Variants in ANAPC5 observed in about 807,000 individuals in gnomAD.
The protein encoded by ANAPC5 is anaphase-promoting complex subunit 5.
In ANAPC5, 60 loss-of-function variants were observed where a neutral mutation model predicts 91.3. The observed-to-expected ratio is 0.66, with a 90% CI of 0.53 to 0.81. The LOEUF (loss-of-function observed/expected upper bound fraction) is 0.81, where lower values mean the gene tolerates loss of function less well. Among genes scored for constraint, ANAPC5 ranks in the 40% least tolerant of loss-of-function variants. The pLI, the probability that ANAPC5 is intolerant of heterozygous loss-of-function variation, is 0.00. For missense variants in ANAPC5, 690 were observed against 931.5 expected (o/e 0.74, Z 3.37); for synonymous variants, 340 against 364.1 (o/e 0.93, Z 0.75).
upstream of ANAPC5, among the ~76,000 whole-genome samples, chr12:121,354,006 C>T (rs61955065): frequency 4.2e-5 from 6 of 141,892 alleles, no homozygotes; most frequent in Admixed American, 1.4e-4. Flanking sequence ...TTTTTTTTCC[C>T]GATACGGAGT....
intron 15 of ANAPC5, 135 bp from the exon 16 acceptor site, chr12:121,309,998 C>T (rs1593569684): frequency 1.4e-6 from 1 of 726,378 alleles, no homozygotes; most frequent in Non-Finnish European, 2.1e-6. Flanking sequence ...TACGTTAAAA[C>T]AGGAACCACA....
At chr12:121,340,590 G>A (rs1903412735) in intron 5 of ANAPC5, among the ~76,000 whole-genome samples, 1 of 149,316 alleles carries the variant, frequency 6.7e-6, no homozygotes, top group Non-Finnish European at 1.5e-5. Context: ...AGGCCAGAGT[G>A]CAGTAGCGCA....
At chr12:121,333,487 C>T (rs545908153) in intron 7 of ANAPC5, 15 of 152,078 alleles carry the variant, frequency 9.9e-5, no homozygotes, top group African/African-American at 3.6e-4. Context: ...AAGAAAGGCT[C>T]TGATCGAGAG....
chr12:121,330,563 C>T lies in ANAPC5; in HGVS notation c.1122+20G>A. 2 of 1,605,166 alleles carry T rather than the reference C, an allele frequency of 1.2e-6. No individual in the cohort carries two copies. Among genetic ancestry groups the T allele is most frequent in the South Asian group, 1.1e-5 (1 of 89,882 alleles). ...GCTCGACCATTTATGGAAACAATCT[C>T]ACAGAAAGATGAGCCTTACCGGTAA... On this transcript the variant is annotated intron_variant, in intron 9 of 16. Transcript: ENST00000261819.
chr12:121,339,744 C>T (rs1040197916), intron 5 of ANAPC5, among the ~76,000 whole-genome samples: 1 of 152,172 alleles, frequency 6.6e-6, no homozygotes. Flanking sequence ...GCTGGGATTA[C>T]AGGCATGAGC....
rs1903037342 is a variant in ANAPC5, at chr12:121,331,384, T to A, written c.995A>T (p.Gln332Leu). 6.2e-7 allele frequency: 1 copy of A among 1,609,352 alleles called. No homozygotes were observed. Among genetic ancestry groups the A allele is most frequent in the South Asian group, 1.1e-5 (1 of 90,990 alleles). Residue 332 changes from glutamine to leucine, a missense_variant, in exon 8 of 17, where the codon CAG becomes CTG. By Grantham distance (113) the Gln-to-Leu change is moderately radical. Coordinates refer to ENST00000261819, the MANE Select transcript of ANAPC5 (RefSeq NM_016237.5). ...GAGACACACGTGATCGTTGGACTCCTGGGCAATCCTAATTGCCTCCTGCAG... is the reference window on the plus strand; with the variant it reads ...GAGACACACGTGATCGTTGGACTCCAGGGCAATCCTAATTGCCTCCTGCAG... ...LALQEAIRIA[Q>L]ESNDHVCLQH...
chr12:121,335,388 A>T, intron 7 of ANAPC5, 145 bp downstream of exon 7: 1 of 791,296 alleles, frequency 1.3e-6, no homozygotes, highest in Non-Finnish European at 1.9e-6. Context: ...CTGGTCTTGA[A>T]CTCCTGACCT....
intron 11 of ANAPC5, among the ~76,000 whole-genome samples, chr12:121,322,548 T>C (rs972997630): frequency 2.0e-5 from 3 of 152,224 alleles, no homozygotes; most frequent in Non-Finnish European, 4.4e-5. Flanking sequence ...TCTTTCAATG[T>C]CAATAAATAC....
intron 4 of ANAPC5, among the ~76,000 whole-genome samples, chr12:121,344,410 C>G (rs1903581193): frequency 6.6e-6 from 1 of 152,064 alleles, no homozygotes; most frequent in Non-Finnish European, 1.5e-5. Flanking sequence ...GAAACCCCAT[C>G]TCTACTAAAA....
Position 121,331,374 on chromosome 12 carries a change from G to T in ANAPC5, c.1005C>A (p.Asn335Lys). 1 of 1,608,972 alleles carries T rather than the reference G, an allele frequency of 6.2e-7. No individual in the cohort carries two copies. Among genetic ancestry groups the T allele is most frequent in the Non-Finnish European group, 8.5e-7 (1 of 1,175,630 alleles). The change falls in exon 8 of 17, where the codon AAC becomes AAA. Residue 335 changes from asparagine to lysine, a missense_variant. Asn to Lys is a moderately conservative substitution (Grantham distance 94). This residue lies in a region of ANAPC5 where 83 missense variants were observed against 150.8 expected (regional missense o/e 0.55). Coordinates refer to ENST00000261819, the MANE Select transcript of ANAPC5 (RefSeq NM_016237.5). ...AACAGTGCTGGAGACACACGTGATC[G>T]TTGGACTCCTGGGCAATCCTAATTG... Reference protein sequence around the residue: ...QEAIRIAQESNDHVCLQHCLS... With the variant: ...QEAIRIAQESKDHVCLQHCLS...
intron 15 of ANAPC5, 142 bp from the exon 16 acceptor site, chr12:121,310,005 C>A: frequency 1.5e-6 from 1 of 678,744 alleles, no homozygotes; most frequent in Non-Finnish European, 2.3e-6. Flanking sequence ...AAACAGGAAC[C>A]ACATTCCTAG....
At chr12:121,323,436 C>T (rs1219285615) in intron 11 of ANAPC5, among the ~76,000 whole-genome samples, 2 of 151,956 alleles carry the variant, frequency 1.3e-5, no homozygotes, top group Non-Finnish European at 2.9e-5. Flanking sequence ...GCAATCCTCC[C>T]ACCTCAGCCT....
At chr12:121,338,354 C>T (rs782799438) in intron 5 of ANAPC5, among the ~76,000 whole-genome samples, 21 of 152,050 alleles carry the variant, frequency 1.4e-4, no homozygotes, top group Non-Finnish European at 2.5e-4. Flanking sequence ...CTTTGGGAGG[C>T]CGAGGAGGGC....
intron 10 of ANAPC5, 25 bp from the exon 11 acceptor site, chr12:121,327,256 T>C: frequency 6.2e-7 from 1 of 1,609,056 alleles, no homozygotes; most frequent in Non-Finnish European, 8.5e-7. Flanking sequence ...GGAACAGGAT[T>C]TCCTTTCAGC....
chr12:121,329,419 T>C (rs1433365957), intron 9 of ANAPC5, among the ~76,000 whole-genome samples: 2 of 152,166 alleles, frequency 1.3e-5, no homozygotes, highest in African/African-American at 4.8e-5. Context: ...CCCAAAGTGC[T>C]GGGATTATAG....
At chr12:121,352,712 T>TGGTGGTGGTGGTGGTGGTGGTGGTGG (rs1566202325), upstream of ANAPC5, among the ~76,000 whole-genome samples, 5 of 19,852 alleles carry the variant, frequency 2.5e-4, no homozygotes, top group Non-Finnish European at 1.7e-3. Context: ...TTGTTGGTTG[T>TGGTGGTGGTGGTGGTGGTGGTGGTGG]TGTTGTTGGT....
intron 1 of ANAPC5, 85 bp from the exon 2 acceptor site, chr12:121,347,966 C>T: frequency 1.1e-6 from 1 of 942,802 alleles, no homozygotes; most frequent in Non-Finnish European, 1.7e-6. Flanking sequence ...ATTTATCAAC[C>T]CCTCTGCTTT....
chr12:121,311,190 T>C (rs1902155498), intron 15 of ANAPC5, among the ~76,000 whole-genome samples: 1 of 150,482 alleles, frequency 6.6e-6, no homozygotes, highest in Non-Finnish European at 1.5e-5. Flanking sequence ...AGCCCAGGAG[T>C]TCAAGGTTAC....
intron 9 of ANAPC5, 151 bp from the exon 10 acceptor site, chr12:121,328,648 T>A (rs1902910403): frequency 4.5e-6 from 3 of 662,162 alleles, no homozygotes. Flanking sequence ...GCCTTAACCC[T>A]GAGCCATACG....
Sources: gnomAD v4.1 joint callset for allele counts (sites outside exome capture counted in the v4.1 genomes callset) on GRCh38, gnomAD v4.1.1 for gene constraint, gnomAD v4.1.1 regional missense constraint, MANE v1.5 for transcripts, NCBI Gene and HGNC (gene_info 2026-07-23, HGNC 2026-07-21) for gene names.